The following URB1 variants were observed in gnomAD, a reference collection of about 807,000 sequenced individuals.
The protein encoded by URB1 is nucleolar pre-ribosomal-associated protein 1.
URB1 carries 197 observed loss-of-function variants against 242.3 expected under a neutral mutation model. That is an observed-to-expected ratio of 0.81 (90% confidence interval 0.72 to 0.91). The LOEUF is 0.91. Among genes scored for constraint, URB1 ranks in the 40% least tolerant of loss-of-function variants. The pLI, the probability that URB1 is intolerant of heterozygous loss-of-function variation, is 0.00. For synonymous variants in URB1, 1,153 were observed against 1,201.8 expected (o/e 0.96, Z 0.84); for missense variants, 2,721 against 2,860.5 (o/e 0.95, Z 1.11).
In URB1 at chr21:32,351,003, A is replaced by G. The variant is rs1013994837; in HGVS notation, c.2614-81T>C. Reference sequence around the variant, plus strand: ...ACGGTCATAGGCACAGGTAACACACAACAAACGGACATTTCACAAAGAAGC... The same window carrying G: ...ACGGTCATAGGCACAGGTAACACACGACAAACGGACATTTCACAAAGAAGC... On this transcript the variant is annotated intron_variant, in intron 19 of 38. Coordinates refer to ENST00000382751, the MANE Select transcript of URB1 (RefSeq NM_014825.3). The G allele has an allele frequency of 5.1e-6, 7 of 1,367,820 alleles. No homozygotes were observed. The Admixed American group carries it at 1.5e-4, about 29-fold the overall frequency. The allele number at this position is 1,367,820 out of a possible 1,614,324, so 84.7% of individuals were successfully genotyped here.
intron 8 of URB1, among the ~76,000 whole-genome samples, chr21:32,370,024 T>C (rs182929835): frequency 6.8e-6 from 1 of 146,382 alleles, no homozygotes; most frequent in East Asian, 2.0e-4. Context: ...CTGCAGAGAC[T>C]AAAACTTGCA....
In URB1 at chr21:32,386,216, C is replaced by A. The variant is rs544850478; in HGVS notation, c.143-532G>T. ...AAAAGACAGTATTTGGAGATATAGTCTTTTAGGAGATAACTCAGGTTAAGT... is the reference window on the plus strand; with the variant it reads ...AAAAGACAGTATTTGGAGATATAGTATTTTAGGAGATAACTCAGGTTAAGT... On this transcript the variant is annotated intron_variant, in intron 1 of 38. Transcript: ENST00000382751. Among the ~76,000 whole-genome samples, 4 of 151,562 alleles carry A rather than the reference C, an allele frequency of 2.6e-5. No homozygotes were observed. The South Asian group carries it at 8.4e-4, about 32-fold the overall frequency.
At chr21:32,362,856 C>T (rs771053372) in intron 11 of URB1, among the ~76,000 whole-genome samples, 29 of 152,310 alleles carry the variant, frequency 1.9e-4, no homozygotes, top group Non-Finnish European at 4.0e-4. Flanking sequence ...CACCACGGCT[C>T]CTGATTGAAC....
At chr21:32,333,842 T>A in intron 29 of URB1, among the ~76,000 whole-genome samples, 1 of 152,206 alleles carries the variant, frequency 6.6e-6, no homozygotes, top group Non-Finnish European at 1.5e-5. Context: ...TTATTTTGAA[T>A]ATTTAAGGGC....
At chr21:32,384,669 T>C (rs1324958280) in intron 2 of URB1, among the ~76,000 whole-genome samples, 1 of 152,052 alleles carries the variant, frequency 6.6e-6, no homozygotes, top group Non-Finnish European at 1.5e-5. Context: ...CCCACTCCCA[T>C]AGTCCAGCAA....
rs2033291180 is a variant in URB1 at position 32,361,815 on chromosome 21, G to A, written c.1639+77C>T. On this transcript the variant is annotated intron_variant, in intron 12 of 38. Coordinates refer to ENST00000382751, the MANE Select transcript of URB1 (RefSeq NM_014825.3). ...AAACTGCTCCAGGACTCTCTGGATA[G>A]GAGCTATCCTAGGCTGCCAGTGTCA... 2.7e-6 allele frequency: 4 copies of A among 1,489,676 alleles called. No homozygotes were observed. In the South Asian group the frequency reaches 5.5e-5, roughly 20 times the overall value. The allele number at this position is 1,489,676 out of a possible 1,614,324, so 92.3% of individuals were successfully genotyped here.
intron 30 of URB1, chr21:32,333,023 A>C (rs539873396): frequency 8.1e-6 from 3 of 370,798 alleles, no homozygotes; most frequent in South Asian, 8.0e-5. Flanking sequence ...AGTAACTAAT[A>C]AAAATGCAGA....
At chr21:32,378,379 G>A in intron 5 of URB1, 66 bp downstream of exon 5, 1 of 1,425,674 alleles carries the variant, frequency 7.0e-7, no homozygotes. Flanking sequence ...GAACTTGGAA[G>A]AAACGGTTTG....
At chr21:32,374,302 G>A (rs2033436231) in intron 6 of URB1, among the ~76,000 whole-genome samples, 1 of 152,176 alleles carries the variant, frequency 6.6e-6, no homozygotes, top group South Asian at 2.1e-4. Context: ...CCTGCAAGTA[G>A]AATTGTGGCA....
chr21:32,374,357 G>A (rs78960096), intron 6 of URB1, among the ~76,000 whole-genome samples: 1,552 of 152,242 alleles, frequency 0.01, 16 homozygotes, highest in Non-Finnish European at 0.015. Context: ...ATCCCTATGG[G>A]TGTGGCCCAG....
chr21:32,329,864 T>C (rs900872883), intron 30 of URB1, among the ~76,000 whole-genome samples: 2 of 152,212 alleles, frequency 1.3e-5, no homozygotes, highest in Admixed American at 1.3e-4. Context: ...AAATGTAACA[T>C]GGGATAGATG....
At chr21:32,348,772 C>T (rs2033123143) in intron 21 of URB1, among the ~76,000 whole-genome samples, 1 of 152,216 alleles carries the variant, frequency 6.6e-6, no homozygotes, top group Non-Finnish European at 1.5e-5. Context: ...CCCAGAAAGG[C>T]AACTCAGAGC....
At chr21:32,356,993 C>T (rs185240835) in intron 15 of URB1, among the ~76,000 whole-genome samples, 2 of 152,324 alleles carry the variant, frequency 1.3e-5, no homozygotes, top group Non-Finnish European at 2.9e-5. Flanking sequence ...AAAGGTCAAA[C>T]CTCTGTACCC....
At chr21:32,365,621 G>A (rs1170074662) in intron 10 of URB1, among the ~76,000 whole-genome samples, 2 of 152,128 alleles carry the variant, frequency 1.3e-5, no homozygotes, top group African/African-American at 2.4e-5. Context: ...TTTTGCATAC[G>A]ATGATTTGAC....
chr21:32,375,118 T>C (rs914797736), intron 6 of URB1, among the ~76,000 whole-genome samples: 2 of 152,204 alleles, frequency 1.3e-5, no homozygotes, highest in Non-Finnish European at 2.9e-5. Flanking sequence ...TTACTTTGGG[T>C]TGCTGTGAAA....
chr21:32,373,378 T>C (rs188899369), intron 7 of URB1, among the ~76,000 whole-genome samples: 35 of 152,078 alleles, frequency 2.3e-4, no homozygotes, highest in Admixed American at 4.6e-4. Context: ...AACAGGCAAG[T>C]GCTGCAGGGA....
rs566938876 is a variant in URB1, at chr21:32,367,238, G to T, written c.1198-483C>A. Among the ~76,000 whole-genome samples, 8 of 152,186 alleles carry T rather than the reference G, an allele frequency of 5.3e-5. No homozygotes were observed. In the East Asian group the frequency reaches 1.4e-3, roughly 26 times the overall value. ...AGTGAGGTTAGGTAATTTCCTTAAG[G>T]CCACATAGCTAGTAAGCAGCCAAGT... On this transcript the variant is annotated intron_variant, in intron 9 of 38. Transcript: ENST00000382751.
Position 32,383,509 on chromosome 21 carries a change from C to G in URB1, c.480G>C (p.Gln160His), listed in dbSNP as rs2033549547. ...CLSLMTAMVT[Q>H]GPEAARDVCS... The stretch of plus-strand genomic sequence containing the variant: ...AGACGTCCCTGGCAGCTTCCGGACC[C>G]TGGGTCACCATGGCGGTCATCAGGC... Residue 160 changes from glutamine to histidine, a missense_variant, in exon 4 of 39, where the codon CAG (glutamine) becomes CAC (histidine). By Grantham distance (24) the Gln-to-His change is conservative. Coordinates refer to ENST00000382751, the MANE Select transcript of URB1 (RefSeq NM_014825.3). The G allele has an allele frequency of 6.4e-7, 1 of 1,551,500 alleles. No individual in the cohort carries two copies. The highest frequency in any genetic ancestry group is 1.4e-5 in the African/African-American group (1 of 73,002).
At chr21:32,366,189 T>G (rs1273205600) in intron 10 of URB1, among the ~76,000 whole-genome samples, 1 of 152,222 alleles carries the variant, frequency 6.6e-6, no homozygotes, top group African/African-American at 2.4e-5. Context: ...CTTAACACCA[T>G]TCATCTAAAC....
Sources: allele counts gnomAD v4.1 joint callset (sites outside exome capture counted in the v4.1 genomes callset), GRCh38; gene constraint gnomAD v4.1.1; transcripts MANE v1.5; gene names NCBI Gene and HGNC (gene_info 2026-07-23, HGNC 2026-07-21).